Variants in GSG1L observed in about 807,000 individuals in gnomAD.
GSG1L encodes GSG1 like.
Under a neutral mutation model 42.1 loss-of-function variants are expected in GSG1L, and 24 were observed. The observed-to-expected ratio is 0.57, with a 90% confidence interval of 0.41 to 0.80. GSG1L has a LOEUF of 0.80. GSG1L is among the 30% of genes least tolerant of loss of function. The probability of loss-of-function intolerance (pLI) is 0.00; values close to 1 mark genes in which losing one functional copy is unlikely to be tolerated. For missense variants in GSG1L, 445 were observed against 472.2 expected, an observed-to-expected ratio of 0.94 and a Z score of 0.53; for synonymous variants, 215 against 203.5, an observed-to-expected ratio of 1.06 and a Z score of -0.48.
At chr16:27,839,335 C>T (rs1003839702) in intron 4 of GSG1L, among the ~76,000 whole-genome samples, 1 of 152,224 alleles carries the variant, frequency 6.6e-6, no homozygotes, top group Non-Finnish European at 1.5e-5. Flanking sequence ...CTCTTATAAG[C>T]TTCCACACCA....
At chr16:27,966,511 CAA>C (rs35588287) in intron 1 of GSG1L, among the ~76,000 whole-genome samples, 37,743 of 151,800 alleles carry the variant, frequency 0.25, 5,050 homozygotes, top group East Asian at 0.49. Flanking sequence ...AACAAACAAA[CAA>C]TATTGAAGGA....
intron 5 of GSG1L, among the ~76,000 whole-genome samples, chr16:27,817,926 G>A (rs1374751459): frequency 6.6e-6 from 1 of 152,124 alleles, no homozygotes; most frequent in Non-Finnish European, 1.5e-5. Context: ...CTGACCCTAT[G>A]ACTGGGGCTG....
intron 5 of GSG1L, among the ~76,000 whole-genome samples, chr16:27,824,731 T>C (rs1280916153): frequency 6.6e-6 from 1 of 152,184 alleles, no homozygotes; most frequent in Non-Finnish European, 1.5e-5. Context: ...TAGGAGCCAT[T>C]GGAACTGGGG....
At chr16:27,859,396 A>AG (rs1297564638) in intron 3 of GSG1L, among the ~76,000 whole-genome samples, 1 of 152,162 alleles carries the variant, frequency 6.6e-6, no homozygotes, top group Non-Finnish European at 1.5e-5. Context: ...AGAAGCATGG[A>AG]GGGGGGTCTC....
At chr16:27,908,247 CCAAA>C (rs2084342430) in intron 2 of GSG1L, among the ~76,000 whole-genome samples, 1 of 152,350 alleles carries the variant, frequency 6.6e-6, no homozygotes, top group African/African-American at 2.4e-5. Flanking sequence ...CCTAGGTCAG[CCAAA>C]CAGTCTGTCT....
intron 2 of GSG1L, among the ~76,000 whole-genome samples, chr16:27,888,428 CT>C (rs1288750965): frequency 3.3e-4 from 7 of 20,950 alleles, no homozygotes; most frequent in Non-Finnish European, 9.7e-4. Context: ...TTCTTTCTTT[CT>C]TTCTTTCTTT....
At chr16:27,921,906 C>T (rs1483554804) in intron 2 of GSG1L, among the ~76,000 whole-genome samples, 4 of 152,084 alleles carry the variant, frequency 2.6e-5, no homozygotes, top group African/African-American at 9.7e-5. Context: ...TTCTAATAAC[C>T]TAAGCCAACC....
chr16:27,824,197 A>G (rs924009785), intron 5 of GSG1L, among the ~76,000 whole-genome samples: 3 of 152,186 alleles, frequency 2.0e-5, no homozygotes, highest in African/African-American at 7.2e-5. Context: ...GGCATGTCAC[A>G]TGGGTTTTCA....
In GSG1L at chr16:27,838,735, C is replaced by T. The variant is rs75547336; in HGVS notation, c.662+6215G>A. Among the ~76,000 whole-genome samples the T allele has an allele frequency of 4.4e-3, 677 of 152,246 alleles. 5 individuals carry two copies. Among genetic ancestry groups the T allele is most frequent in the African/African-American group, 0.016 (651 of 41,528 alleles). On this transcript the variant is annotated intron_variant, in intron 4 of 6. Coordinates refer to ENST00000447459, the MANE Select transcript of GSG1L (RefSeq NM_001109763.2). ...ATTCACCATGTGGGGCACGGCTGGG[C>T]ACAGATGCATAATCCAGGCCACCCT... is the stretch of plus-strand genomic sequence containing the variant.
At chr16:27,926,814 A>G (rs73519070) in intron 2 of GSG1L, among the ~76,000 whole-genome samples, 5,016 of 152,322 alleles carry the variant, frequency 0.033, 296 homozygotes, top group African/African-American at 0.11. Flanking sequence ...TCAAGATAGC[A>G]TAGAGGGCTG....
At chr16:27,968,806 T>C (rs554109187) in intron 1 of GSG1L, among the ~76,000 whole-genome samples, 5 of 152,190 alleles carry the variant, frequency 3.3e-5, no homozygotes, top group African/African-American at 4.8e-5. Context: ...ATACAATTCA[T>C]ACATTTAAAG....
chr16:27,984,074 G>T (rs188373319), intron 1 of GSG1L, among the ~76,000 whole-genome samples: 4 of 152,170 alleles, frequency 2.6e-5, no homozygotes, highest in African/African-American at 9.7e-5. Context: ...GACCAGCTAC[G>T]CATGGTTTTT....
rs200353968 is a variant in GSG1L at position 27,807,539 on chromosome 16, G to A, written c.846C>T (p.Asp282=). 1.9e-5 allele frequency: 31 copies of A among 1,611,918 alleles called. No homozygotes were observed. In the East Asian group the frequency reaches 3.6e-4, roughly 19 times the overall value. ...KYFRERMEKR[D]GSEEDFHLDC... ...CTAAGTGAAAGTCCTCCTCGCTCCC[G>A]TCCCTCTTCTCCATCCTGGAAAGAA... Residue 282 remains aspartate (D), a synonymous_variant, in exon 6 of 7, where the codon GAC becomes GAT. Coordinates refer to ENST00000447459, the MANE Select transcript of GSG1L (RefSeq NM_001109763.2).
chr16:28,009,067 C>T (rs762439124), intron 1 of GSG1L, among the ~76,000 whole-genome samples: 3 of 152,182 alleles, frequency 2.0e-5, no homozygotes, highest in Non-Finnish European at 4.4e-5. Flanking sequence ...CCTTGGCCTC[C>T]CGAAGTACTG....
intron 5 of GSG1L, among the ~76,000 whole-genome samples, chr16:27,808,881 T>C (rs1271140559): frequency 2.6e-5 from 4 of 152,148 alleles, no homozygotes; most frequent in South Asian, 2.1e-4. Flanking sequence ...GCAGAGGCTG[T>C]TGAGGACCTG....
At chr16:27,994,183 C>T (rs373434086) in intron 1 of GSG1L, among the ~76,000 whole-genome samples, 6 of 152,126 alleles carry the variant, frequency 3.9e-5, no homozygotes, top group Middle Eastern at 6.8e-3. Context: ...GGTGCATTGG[C>T]GAGACTGTAA....
At chr16:28,001,744 A>G (rs1180569706) in intron 1 of GSG1L, among the ~76,000 whole-genome samples, 1 of 152,190 alleles carries the variant, frequency 6.6e-6, no homozygotes, top group Admixed American at 6.5e-5. Context: ...AAGAACAGAC[A>G]CTGGCCCAGT....
intron 6 of GSG1L, among the ~76,000 whole-genome samples, chr16:27,802,853 C>T (rs1455105616): frequency 6.6e-6 from 1 of 151,964 alleles, no homozygotes; most frequent in South Asian, 2.1e-4. Context: ...TGGGGTCTTG[C>T]TATGTTGCCC....
intron 3 of GSG1L, among the ~76,000 whole-genome samples, chr16:27,856,159 C>A (rs530459997): frequency 1.4e-4 from 17 of 119,114 alleles, no homozygotes; most frequent in Admixed American, 1.2e-3. Context: ...GAATGTGCAC[C>A]CCCCCCCATC....
Sources: gnomAD v4.1 joint callset for allele counts (sites outside exome capture counted in the v4.1 genomes callset) on GRCh38, gnomAD v4.1.1 for gene constraint, MANE v1.5 for transcripts, NCBI Gene and HGNC (gene_info 2026-07-23, HGNC 2026-07-21) for gene names.